STX18: variants seen among roughly 807,000 people sequenced by gnomAD.
The protein encoded by STX18 is syntaxin 18.
Under a neutral mutation model 50.1 loss-of-function variants are expected in STX18, and 40 were observed. That is an observed-to-expected ratio of 0.80 (90% confidence interval 0.62 to 1.04). The LOEUF (loss-of-function observed/expected upper bound fraction) is 1.04, where lower values mean the gene tolerates loss of function less well. Ranked by LOEUF, STX18 falls within the 50% of genes least tolerant of loss-of-function variation. STX18 has a pLI of 0.00. For missense variants in STX18, 410 were observed against 415.8 expected, an observed-to-expected ratio of 0.99 and a Z score of 0.12; for synonymous variants, 158 against 151.8, an observed-to-expected ratio of 1.04 and a Z score of -0.30.
intron 1 of STX18, among the ~76,000 whole-genome samples, chr4:4,499,826 T>A (rs756223331): frequency 6.6e-6 from 1 of 151,920 alleles, no homozygotes; most frequent in African/African-American, 2.4e-5. Flanking sequence ...AATAAAAGAA[T>A]GTGCGTTCAG....
chr4:4,500,904 G>T (rs1056960139), intron 1 of STX18, among the ~76,000 whole-genome samples: 4 of 152,148 alleles, frequency 2.6e-5, no homozygotes, highest in African/African-American at 9.7e-5. Context: ...GGGCGTGGTG[G>T]CGGGCGCCTA....
In STX18 at chr4:4,510,502, CAG is replaced by C. The variant is rs1729946109; in HGVS notation, c.168+31293_168+31294del. Among the ~76,000 whole-genome samples the C allele has an allele frequency of 1.3e-5, 2 of 151,996 alleles. 1 individual carries two copies. The highest frequency in any genetic ancestry group is 1.3e-4 in the Admixed American group (2 of 15,264). ...ATGCAATTATTAAAAAGTCAGGAAA[CAG>C]AGATGCTGGAGAGGCTGTGGAGAAA... On this transcript the variant is annotated intron_variant, in intron 1 of 10. Coordinates refer to ENST00000306200, the MANE Select transcript of STX18 (RefSeq NM_016930.4).
intron 1 of STX18, among the ~76,000 whole-genome samples, chr4:4,513,584 A>T (rs180870967): frequency 1.3e-5 from 2 of 152,332 alleles, no homozygotes; most frequent in East Asian, 3.9e-4. Flanking sequence ...CAACATACTC[A>T]AATAGACACT....
At chr4:4,495,283 A>T (rs879692848) in intron 1 of STX18, among the ~76,000 whole-genome samples, 1 of 152,234 alleles carries the variant, frequency 6.6e-6, no homozygotes, top group Non-Finnish European at 1.5e-5. Context: ...TCAAATGTCT[A>T]GTGAAGGATT....
intron 1 of STX18, among the ~76,000 whole-genome samples, chr4:4,490,982 G>A (rs192172454): frequency 2.0e-5 from 3 of 152,096 alleles, no homozygotes; most frequent in Admixed American, 2.0e-4. Context: ...AAAACTGTGG[G>A]AAATGTTTTG....
At position 4,459,461 on chromosome 4, in the gene STX18, A is replaced by G; in HGVS notation, c.263T>C (p.Met88Thr). The change falls in exon 3 of 11, where the codon ATG (methionine) becomes ACG (threonine). Residue 88 changes from methionine to threonine, a missense_variant. By Grantham distance (81) the Met-to-Thr change is moderately conservative (BLOSUM62 -1). Transcript: ENST00000306200. ...YSHTMSEYGRMTDTERDQIDQ... is the reference protein window; with the variant it reads ...YSHTMSEYGRTTDTERDQIDQ... Reference sequence around the variant, plus strand: ...TATCTGGTCTCGTTCTGTGTCTGTCATCCTCCCATATTCAGACATGGTATG... The same window carrying G: ...TATCTGGTCTCGTTCTGTGTCTGTCGTCCTCCCATATTCAGACATGGTATG... The G allele has an allele frequency of 4.3e-6, 7 of 1,614,006 alleles. No homozygotes were observed. The highest frequency in any genetic ancestry group is 3.3e-4 in the Middle Eastern group (2 of 6,062).
chr4:4,529,470 A>T (rs1376559194), intron 1 of STX18, among the ~76,000 whole-genome samples: 1 of 151,606 alleles, frequency 6.6e-6, no homozygotes, highest in Non-Finnish European at 1.5e-5. Flanking sequence ...TCAAATATAT[A>T]ATGTATGCAC....
intron 1 of STX18, among the ~76,000 whole-genome samples, chr4:4,483,759 GT>G (rs1273132890): frequency 2.0e-5 from 3 of 152,170 alleles, no homozygotes; most frequent in African/African-American, 7.2e-5. Flanking sequence ...ACCTCAGACA[GT>G]AAAAAGTTCT....
intron 1 of STX18, among the ~76,000 whole-genome samples, chr4:4,532,789 A>G (rs1731161661): frequency 6.6e-6 from 1 of 152,228 alleles, no homozygotes; most frequent in South Asian, 2.1e-4. Context: ...CTGAGTTAAG[A>G]TATGCTGTAG....
At chr4:4,457,333 A>G in intron 4 of STX18, 76 bp from the exon 5 acceptor site, 1 of 1,555,920 alleles carries the variant, frequency 6.4e-7, no homozygotes, top group East Asian at 2.2e-5. Flanking sequence ...AAATATAATG[A>G]GATACTACAG....
At chr4:4,517,200 A>T (rs559000923) in intron 1 of STX18, among the ~76,000 whole-genome samples, 1 of 152,302 alleles carries the variant, frequency 6.6e-6, no homozygotes, top group African/African-American at 2.4e-5. Flanking sequence ...TCTTCCCCTG[A>T]TTCCCACCCA....
intron 5 of STX18, among the ~76,000 whole-genome samples, chr4:4,444,336 A>T (rs911018060): frequency 6.4e-4 from 97 of 152,226 alleles, no homozygotes; most frequent in African/African-American, 2.3e-3. Context: ...ATCCCTACTG[A>T]AGTTAACAGG....
rs1259047935 is a variant in STX18 at position 4,419,459 on chromosome 4, C to T, written c.*575G>A. On this transcript the variant is annotated 3_prime_UTR_variant, in exon 11 of 11. Coordinates refer to ENST00000306200, the MANE Select transcript of STX18 (RefSeq NM_016930.4). ...CTGCCACTGAATTTGTCAACTTAGACTCATTGACAACACATTAAGGGGCTG... is the reference window on the plus strand; with the variant it reads ...CTGCCACTGAATTTGTCAACTTAGATTCATTGACAACACATTAAGGGGCTG... 2.6e-5 allele frequency: 4 copies of T among 152,306 alleles called. No homozygotes were observed. Among genetic ancestry groups the T allele is most frequent in the Admixed American group, 6.5e-5 (1 of 15,282 alleles). 9.4% of individuals were successfully genotyped at this position (152,306 alleles called of 1,614,324 possible). A position where few individuals can be genotyped will look rare whatever the true frequency, so the allele number is the denominator to read the frequency against.
At position 4,420,164 on chromosome 4, in the gene STX18, C is replaced by T. The variant is rs780036018; in HGVS notation, c.913-35G>A. ...GACGGGAGCACAGGTGTTTTTATCA[C>T]ACAGGATTTTGGTTTGAGCAGCCCT... is the stretch of plus-strand genomic sequence containing the variant. On this transcript the variant is annotated intron_variant, in intron 10 of 10. Coordinates refer to ENST00000306200, the MANE Select transcript of STX18 (RefSeq NM_016930.4). The surrounding 1 kb of genome is among the most constrained non-coding windows in gnomAD (Gnocchi z 4.3). 1.1e-5 allele frequency: 17 copies of T among 1,572,336 alleles called. No homozygotes were observed. The East Asian group carries it at 4.0e-4, about 37-fold the overall frequency.
chr4:4,507,539 A>C, intron 1 of STX18: 1 of 771,254 alleles, frequency 1.3e-6, no homozygotes. Context: ...ACAAAAAATA[A>C]GCAAAAGCGT....
intron 1 of STX18, among the ~76,000 whole-genome samples, chr4:4,510,315 A>G (rs946297431): frequency 8.5e-5 from 13 of 152,226 alleles, no homozygotes; most frequent in Non-Finnish European, 2.9e-5. Flanking sequence ...TTAGTCAAAG[A>G]AAGTTAAGAA....
chr4:4,520,955 A>G, intron 1 of STX18, among the ~76,000 whole-genome samples: 1 of 152,242 alleles, frequency 6.6e-6, no homozygotes, highest in East Asian at 1.9e-4. Flanking sequence ...AACATTGTAC[A>G]ATTTATCTAG....
chr4:4,469,343 A>G (rs1341433015), intron 2 of STX18, among the ~76,000 whole-genome samples: 1 of 152,184 alleles, frequency 6.6e-6, no homozygotes, highest in Non-Finnish European at 1.5e-5. Flanking sequence ...CAGAACCTAA[A>G]CTATACTACC....
intron 1 of STX18, chr4:4,507,536 A>G: frequency 2.6e-6 from 2 of 771,492 alleles, no homozygotes; most frequent in South Asian, 2.7e-5. Context: ...CGCACAAAAA[A>G]TAAGCAAAAG....
Sources: gnomAD v4.1 joint callset for allele counts (sites outside exome capture counted in the v4.1 genomes callset) on GRCh38, gnomAD v4.1.1 for gene constraint, Gnocchi (gnomAD v3.1) non-coding constraint, MANE v1.5 for transcripts, NCBI Gene and HGNC (gene_info 2026-07-23, HGNC 2026-07-21) for gene names.